GAN: variants seen among roughly 807,000 people sequenced by gnomAD.
The protein encoded by GAN is gigaxonin.
Under a neutral mutation model 71.3 loss-of-function variants are expected in GAN, and 48 were observed. The ratio of observed to expected loss-of-function variants is 0.67; its 90% CI spans 0.53 to 0.86. GAN has a LOEUF of 0.86. Ranked by LOEUF, GAN falls within the 40% of genes least tolerant of loss-of-function variation. The pLI, the probability that GAN is intolerant of heterozygous loss-of-function variation, is 0.00. For missense variants in GAN, 928 were observed against 770.1 expected, an observed-to-expected ratio of 1.21 and a Z score of -2.43; for synonymous variants, 386 against 276.8, an observed-to-expected ratio of 1.39 and a Z score of -3.92.
At chr16:81,369,109 AG>A (rs1910955315) in intron 9 of GAN, among the ~76,000 whole-genome samples, 1 of 152,144 alleles carries the variant, frequency 6.6e-6, no homozygotes, top group Non-Finnish European at 1.5e-5. Flanking sequence ...AATTTTTTAC[AG>A]TATATAAGTT....
At chr16:81,365,643 G>A (rs1416138308) in intron 9 of GAN, among the ~76,000 whole-genome samples, 165 bp downstream of exon 9, 1 of 150,320 alleles carries the variant, frequency 6.7e-6, no homozygotes, top group Non-Finnish European at 1.5e-5. Context: ...ACAAGTGCTA[G>A]TAACTTAAAA....
At chr16:81,363,327 T>C (rs1910741071) in intron 6 of GAN, among the ~76,000 whole-genome samples, 1 of 152,258 alleles carries the variant, frequency 6.6e-6, no homozygotes, top group Non-Finnish European at 1.5e-5. Flanking sequence ...GAACTCACCA[T>C]GTATTTCTTA....
rs1263069238 is a variant in GAN at position 81,385,183 on chromosome 16, TCTC to T, written c.*7592_*7594del. On this transcript the variant is annotated 3_prime_UTR_variant, in exon 11 of 11. Transcript: ENST00000648994. ...CTTTCAATAGTAGAATGACAAAGCT[TCTC>T]CTCCAATGACAATCTGTTAGCACCC... 1.3e-5 allele frequency: 2 copies of T among 152,178 alleles called. No individual in the cohort carries two copies. Among genetic ancestry groups the T allele is most frequent in the African/African-American group, 2.4e-5 (1 of 41,448 alleles). 9.4% of individuals were successfully genotyped at this position (152,178 alleles called of 1,614,324 possible). A position where few individuals can be genotyped will look rare whatever the true frequency, so the allele number is the denominator to read the frequency against.
intron 1 of GAN, among the ~76,000 whole-genome samples, chr16:81,333,402 C>T (rs56322373): frequency 0.03 from 4,544 of 152,276 alleles, 124 homozygotes; most frequent in Non-Finnish European, 0.04. Context: ...ATAACCCGGT[C>T]CATCCTTCTG....
intron 1 of GAN, among the ~76,000 whole-genome samples, chr16:81,317,343 C>A (rs912140444): frequency 3.9e-5 from 6 of 152,232 alleles, no homozygotes; most frequent in Admixed American, 1.3e-4. Context: ...GCACTGGATT[C>A]AGAGTTTGAA....
intron 7 of GAN, among the ~76,000 whole-genome samples, chr16:81,364,526 A>G (rs1204257280): frequency 6.6e-6 from 1 of 152,160 alleles, no homozygotes; most frequent in African/African-American, 2.4e-5. Flanking sequence ...TCTACAAAAA[A>G]GTTTTAAATA....
intron 1 of GAN, among the ~76,000 whole-genome samples, chr16:81,341,949 C>T (rs972581579): frequency 2.0e-5 from 3 of 152,124 alleles, no homozygotes; most frequent in Admixed American, 2.0e-4. Context: ...ATCTACCAAG[C>T]AAATGGAAAG....
At position 81,383,139 on chromosome 16, in the gene GAN, A is replaced by T. The variant is rs937902309; in HGVS notation, c.*5543A>T. ...TCAGTTCTGTCATTGAAATTCTCTA[A>T]GTGATTGGATTTTTAAACCCCTTCC... On this transcript the variant is annotated 3_prime_UTR_variant, in exon 11 of 11. Coordinates refer to ENST00000648994, the MANE Select transcript of GAN (RefSeq NM_022041.4). The T allele has an allele frequency of 6.6e-6, 1 of 151,318 alleles. No individual in the cohort carries two copies. 9.4% of individuals were successfully genotyped at this position (151,318 alleles called of 1,614,324 possible). A position where few individuals can be genotyped will look rare whatever the true frequency, so the allele number is the denominator to read the frequency against.
chr16:81,330,148 G>A (rs1021991139), intron 1 of GAN, among the ~76,000 whole-genome samples: 5 of 152,202 alleles, frequency 3.3e-5, no homozygotes, highest in Non-Finnish European at 7.4e-5. Flanking sequence ...GCTTTCATCA[G>A]TTCTGACTTG....
chr16:81,358,670 A>G (rs1197657165), intron 5 of GAN, among the ~76,000 whole-genome samples: 3 of 152,180 alleles, frequency 2.0e-5, no homozygotes, highest in Non-Finnish European at 2.9e-5. Flanking sequence ...TATATAGGCA[A>G]TGGCTTAAAG....
At chr16:81,364,040 G>T in intron 7 of GAN, 97 bp downstream of exon 7, 1 of 959,834 alleles carries the variant, frequency 1.0e-6, no homozygotes, top group Non-Finnish European at 1.7e-6. Context: ...TATAACTGAT[G>T]GTGTTAAAAG....
intron 1 of GAN, among the ~76,000 whole-genome samples, chr16:81,332,725 A>T (rs1185100711): frequency 1.3e-5 from 2 of 152,164 alleles, no homozygotes; most frequent in African/African-American, 4.8e-5. Context: ...TCATGACCAC[A>T]GCTCTTCTGG....
intron 6 of GAN, among the ~76,000 whole-genome samples, chr16:81,363,318 A>C (rs1910740858): frequency 6.6e-6 from 1 of 152,212 alleles, no homozygotes; most frequent in South Asian, 2.1e-4. Flanking sequence ...TTTTCTGATG[A>C]ACTCACCATG....
chr16:81,334,847 G>C (rs893616507), intron 1 of GAN, among the ~76,000 whole-genome samples: 1 of 152,226 alleles, frequency 6.6e-6, no homozygotes, highest in Admixed American at 6.5e-5. Flanking sequence ...AAATCCACTG[G>C]TTCTCTAACC....
intron 1 of GAN, 118 bp from the exon 2 acceptor site, chr16:81,351,465 C>A: frequency 1.5e-6 from 1 of 659,750 alleles, no homozygotes; most frequent in East Asian, 2.7e-5. Flanking sequence ...ACTAAATTTT[C>A]TAGGTGGGGA....
rs749211847 is a variant in GAN at position 81,354,428 on chromosome 16, C to G, written c.306C>G (p.Ile102Met). The G allele has an allele frequency of 6.2e-7, 1 of 1,611,596 alleles. No individual in the cohort carries two copies. Among genetic ancestry groups the G allele is most frequent in the Non-Finnish European group, 8.5e-7 (1 of 1,177,724 alleles). Residue 102 changes from isoleucine (I) to methionine (M), a missense_variant, in exon 3 of 11, where the codon ATC (isoleucine) becomes ATG (methionine). Physicochemically the swap from Ile to Met is conservative, Grantham distance 10. Coordinates refer to ENST00000648994, the MANE Select transcript of GAN (RefSeq NM_022041.4). Reference protein sequence around the residue: ...SGQIRLNEDTIQDVVQAADLL... With the variant: ...SGQIRLNEDTMQDVVQAADLL... ...AGATCAGGCTAAATGAAGATACAAT[C>G]CAAGATGTTGTTCAGGCAGCTGACC...
In GAN at chr16:81,384,955, A is replaced by C. The variant is rs1475917226; in HGVS notation, c.*7359A>C. 1 of 154,272 alleles carries C rather than the reference A, an allele frequency of 6.5e-6. No homozygotes were observed. Among genetic ancestry groups the C allele is most frequent in the Non-Finnish European group, 1.5e-5 (1 of 68,208 alleles). 9.6% of individuals were successfully genotyped at this position (154,272 alleles called of 1,614,324 possible). A position where few individuals can be genotyped will look rare whatever the true frequency, so the allele number is the denominator to read the frequency against. ...GCCCAGTTTCAGGGCACAGTTGTAC[A>C]CATTCTACTTAAATGGAGGAGTTCA... On this transcript the variant is annotated 3_prime_UTR_variant, in exon 11 of 11. Transcript: ENST00000648994.
intron 5 of GAN, among the ~76,000 whole-genome samples, chr16:81,360,962 A>AC (rs1214452426): frequency 1.3e-5 from 2 of 152,278 alleles, no homozygotes; most frequent in Non-Finnish European, 2.9e-5. Flanking sequence ...AGTGGCTCAC[A>AC]CCTATAATCC....
At chr16:81,329,661 T>C (rs1172664926) in intron 1 of GAN, among the ~76,000 whole-genome samples, 1 of 152,188 alleles carries the variant, frequency 6.6e-6, no homozygotes, top group African/African-American at 2.4e-5. Context: ...GATCATTTTG[T>C]TGATATATTT....
Sources: allele counts gnomAD v4.1 joint callset (sites outside exome capture counted in the v4.1 genomes callset), GRCh38; gene constraint gnomAD v4.1.1; transcripts MANE v1.5; gene names NCBI Gene and HGNC (gene_info 2026-07-23, HGNC 2026-07-21).